TUSC3: variants seen among roughly 807,000 people sequenced by gnomAD.
TUSC3 encodes the protein dolichyl-diphosphooligosaccharide--protein glycosyltransferase subunit TUSC3.
A neutral mutation model predicts 44.8 loss-of-function variants in TUSC3; 45 were observed. The ratio of observed to expected loss-of-function variants is 1.00; its 90% CI spans 0.79 to 1.29. The LOEUF is 1.29. TUSC3 is among the 50% of genes most tolerant of loss of function. The pLI, the probability that TUSC3 is intolerant of heterozygous loss-of-function variation, is 0.00. For missense variants in TUSC3, 519 were observed against 437.9 expected (o/e 1.19, Z -1.65); for synonymous variants, 212 against 152.9 (o/e 1.39, Z -2.85).
At chr8:15,556,934 T>A (rs1329113569) in intron 1 of TUSC3, among the ~76,000 whole-genome samples, 1 of 149,516 alleles carries the variant, frequency 6.7e-6, no homozygotes, top group Non-Finnish European at 1.5e-5. Flanking sequence ...GTTGTGAAAA[T>A]TTTCTCCCAT....
At chr8:15,803,067 T>A in the TUSC3 span, among the ~76,000 whole-genome samples, 8 of 152,302 alleles carry the variant, frequency 5.3e-5, no homozygotes, top group East Asian at 1.5e-3. Flanking sequence ...TCAGTGTTGA[T>A]GTTCACTCCT....
At chr8:15,624,427 C>G (rs1295939412) in intron 2 of TUSC3, among the ~76,000 whole-genome samples, 1 of 152,156 alleles carries the variant, frequency 6.6e-6, no homozygotes, top group African/African-American at 2.4e-5. Context: ...ATTTCACATT[C>G]CAGCCATCAG....
intron 1 of TUSC3, among the ~76,000 whole-genome samples, chr8:15,620,085 T>G (rs1805176748): frequency 1.3e-5 from 2 of 152,072 alleles, no homozygotes; most frequent in African/African-American, 4.8e-5. Flanking sequence ...AACTGCAAAT[T>G]AAAATAAGAT....
At chr8:15,798,986 G>A in the TUSC3 span, among the ~76,000 whole-genome samples, 1 of 152,168 alleles carries the variant, frequency 6.6e-6, no homozygotes. Context: ...CCAATCAGGA[G>A]CAGTAAGACC....
At position 15,701,032 on chromosome 8, in the gene TUSC3, G is replaced by T. The variant is rs73197141; in HGVS notation, c.798+27196G>T. ...TGTTTGTTTTATATGTGATGTCCAG[G>T]GTGTTTGGCAGTATTTAACTAGAGG... On this transcript the variant is annotated intron_variant, in intron 6 of 10. Coordinates refer to ENST00000503731, the MANE Select transcript of TUSC3 (RefSeq NM_006765.4). 9.9e-3 allele frequency among the ~76,000 whole-genome samples: 1,495 copies of T among 151,486 alleles called. 15 individuals are homozygous for T. The highest frequency in any genetic ancestry group is 0.017 in the Non-Finnish European group (1,129 of 67,840).
At chr8:15,559,114 T>C (rs1401979389) in intron 1 of TUSC3, among the ~76,000 whole-genome samples, 1 of 145,622 alleles carries the variant, frequency 6.9e-6, no homozygotes, top group African/African-American at 2.5e-5. Flanking sequence ...ATTTTGGATC[T>C]TTCCTGCTTT....
intron 2 of TUSC3, among the ~76,000 whole-genome samples, chr8:15,647,572 C>T (rs186536113): frequency 1.4e-4 from 22 of 152,252 alleles, no homozygotes; most frequent in Admixed American, 2.0e-4. Context: ...AGCTTCTTTA[C>T]GTCTTCTCTC....
At chr8:15,613,802 G>T (rs1804867144) in intron 1 of TUSC3, among the ~76,000 whole-genome samples, 1 of 151,982 alleles carries the variant, frequency 6.6e-6, no homozygotes, top group African/African-American at 2.4e-5. Context: ...TTCCCTTTAA[G>T]CATGGACTTT....
intron 7 of TUSC3, among the ~76,000 whole-genome samples, chr8:15,742,232 G>GAGGGTTGATGTTGTGCTGGGGTGGC (rs55870051): frequency 6.6e-6 from 1 of 151,848 alleles, no homozygotes; most frequent in East Asian, 1.9e-4. Context: ...TGTATGGTGG[G>GAGGGTTGATGTTGTGCTGGGGTGGC]AGGGGCTTTT....
chr8:15,455,054 A>G (rs527408242), intron 1 of TUSC3, among the ~76,000 whole-genome samples: 2 of 152,258 alleles, frequency 1.3e-5, no homozygotes, highest in East Asian at 1.9e-4. Context: ...TTTGGGGAAG[A>G]TGATGACTTT....
At position 15,526,170 on chromosome 8, in the gene TUSC3, C is replaced by A. The variant is rs548569965; in HGVS notation, n.189+42687C>A. 3.8e-3 allele frequency among the ~76,000 whole-genome samples: 582 copies of A among 152,056 alleles called. 4 individuals are homozygous for A. Among genetic ancestry groups the A allele is most frequent in the African/African-American group, 0.013 (546 of 41,484 alleles). On this transcript the variant is annotated intron_variant and non_coding_transcript_variant, in intron 2 of 5. Transcript: ENST00000503191. ...GCCTCAGCCTCCCGAGTAGCTGTGA[C>A]TACAGGCGCCCGCCATCACGGCCGG...
At chr8:15,612,889 C>A (rs747725007) in intron 1 of TUSC3, among the ~76,000 whole-genome samples, 1 of 151,958 alleles carries the variant, frequency 6.6e-6, no homozygotes, top group Non-Finnish European at 1.5e-5. Context: ...CTTCACTGAT[C>A]GGACCAGTCT....
chr8:15,531,075 G>C (rs971882835), intron 2 of TUSC3, among the ~76,000 whole-genome samples: 1 of 152,154 alleles, frequency 6.6e-6, no homozygotes, highest in African/African-American at 2.4e-5. Context: ...CTAGGCACTA[G>C]TAGGCCGCTG....
chr8:15,632,876 C>G (rs913910400), intron 2 of TUSC3, among the ~76,000 whole-genome samples: 5 of 152,126 alleles, frequency 3.3e-5, no homozygotes, highest in Admixed American at 6.5e-5. Context: ...TAGTGTATCT[C>G]CTTTAGTCTA....
At chr8:15,660,221 T>C (rs1486624234) in intron 4 of TUSC3, among the ~76,000 whole-genome samples, 1 of 151,940 alleles carries the variant, frequency 6.6e-6, no homozygotes. Flanking sequence ...TTGGGAAAAA[T>C]TGAATATAAA....
Position 15,466,708 on chromosome 8 carries a change from T to C in TUSC3, n.92-16678T>C, listed in dbSNP as rs189097304. On this transcript the variant is annotated intron_variant and non_coding_transcript_variant, in intron 1 of 5. Transcript: ENST00000503191. ...GGAAAAGGTTCTTTGAGATTTTCTT[T>C]AATTCCTGTTTTTGTTGTTGCTATT... Among the ~76,000 whole-genome samples, 755 of 152,256 alleles carry C rather than the reference T, an allele frequency of 5.0e-3. 7 individuals are homozygous for C. The highest frequency in any genetic ancestry group is 0.017 in the African/African-American group (705 of 41,568).
In TUSC3 at chr8:15,603,724, G is replaced by A. The variant is rs80279124; in HGVS notation, c.139-19356G>A. ...TGTCTTGAGATATCAGCAATGAATG[G>A]AATGGAATAGGAAAGTACCTGCGAT... On this transcript the variant is annotated intron_variant, in intron 1 of 10. Transcript: ENST00000503731. Among the ~76,000 whole-genome samples the A allele has an allele frequency of 9.1e-3, 1,384 of 151,628 alleles. 24 individuals carry two copies. The highest frequency in any genetic ancestry group is 0.032 in the African/African-American group (1,310 of 41,464).
At chr8:15,640,991 C>G (rs1194741163) in intron 2 of TUSC3, among the ~76,000 whole-genome samples, 1 of 152,164 alleles carries the variant, frequency 6.6e-6, no homozygotes, top group African/African-American at 2.4e-5. Flanking sequence ...CTCCCATGTA[C>G]TAGACATACC....
At chr8:15,620,552 T>C (rs1170240154) in intron 1 of TUSC3, among the ~76,000 whole-genome samples, 2 of 152,194 alleles carry the variant, frequency 1.3e-5, no homozygotes, top group Non-Finnish European at 2.9e-5. Flanking sequence ...TGAAGGAATA[T>C]AGTAATTGTA....
Sources: gnomAD v4.1 joint callset for allele counts (sites outside exome capture counted in the v4.1 genomes callset) on GRCh38, gnomAD v4.1.1 for gene constraint, MANE v1.5 for transcripts, NCBI Gene and HGNC (gene_info 2026-07-23, HGNC 2026-07-21) for gene names.